EPG5: variants seen among roughly 807,000 people sequenced by gnomAD.
EPG5 encodes the protein ectopic P granules protein 5 homolog.
A neutral mutation model predicts 302.7 loss-of-function variants in EPG5; 159 were observed. The observed-to-expected ratio is 0.53, with a 90% CI of 0.46 to 0.60. The LOEUF is 0.60. EPG5 is among the 20% of genes least tolerant of loss of function. The pLI, the probability that EPG5 is intolerant of heterozygous loss-of-function variation, is 0.00. For synonymous variants in EPG5, 1,158 were observed against 1,136.8 expected, an observed-to-expected ratio of 1.02 and a Z score of -0.37; for missense variants, 2,896 against 3,092.4, an observed-to-expected ratio of 0.94 and a Z score of 1.51.
chr18:45,883,629 T>G lies in EPG5; in HGVS notation c.5304+988A>C, dbSNP rs985803947. On this transcript the variant is annotated intron_variant, in intron 30 of 43. Coordinates refer to ENST00000282041, the MANE Select transcript of EPG5 (RefSeq NM_020964.3). ...CTAGCCTGGTGTTTTTTTTTTTTTT[T>G]TTTTTTTTTTTTGTACAGACAGGGT... Among the ~76,000 whole-genome samples, 107 of 138,348 alleles carry G rather than the reference T, an allele frequency of 7.7e-4. No individual in the cohort carries two copies. The South Asian group carries it at 0.023, about 30-fold the overall frequency. The allele number at this position is 138,348 out of a possible 152,430, so 90.8% of individuals were successfully genotyped here. A position where few individuals can be genotyped will look rare whatever the true frequency, so the allele number is the denominator to read the frequency against.
chr18:45,965,215 C>T (rs1459952859), intron 1 of EPG5, among the ~76,000 whole-genome samples: 1 of 148,774 alleles, frequency 6.7e-6, no homozygotes, highest in Admixed American at 6.6e-5. Context: ...AATCAAATAC[C>T]ACGTTCTCAC....
chr18:45,899,846 A>C (rs1014455927), intron 26 of EPG5, among the ~76,000 whole-genome samples: 1 of 152,178 alleles, frequency 6.6e-6, no homozygotes, highest in Non-Finnish European at 1.5e-5. Context: ...ATACCAACAG[A>C]CCCTACAAGA....
At chr18:45,825,623 C>T in the EPG5 span, 3 of 1,241,862 alleles carry the variant, frequency 2.4e-6, no homozygotes, top group Non-Finnish European at 3.5e-6. Context: ...ATCTGAGTGC[C>T]CTGCCCACCC....
chr18:45,944,169 T>G, intron 7 of EPG5, 50 bp from the exon 8 acceptor site: 1 of 1,167,586 alleles, frequency 8.6e-7, no homozygotes, highest in Non-Finnish European at 1.3e-6. Flanking sequence ...CAGATCACAC[T>G]ATGATCTAGC....
chr18:45,813,383 A>C, the EPG5 span, among the ~76,000 whole-genome samples: 13 of 152,236 alleles, frequency 8.5e-5, no homozygotes, highest in Non-Finnish European at 7.3e-5. Flanking sequence ...CTAGAGCTAG[A>C]AACACCATTT....
At chr18:45,841,697 T>C in the EPG5 span, among the ~76,000 whole-genome samples, 23 of 152,118 alleles carry the variant, frequency 1.5e-4, no homozygotes, top group Admixed American at 1.4e-3. Context: ...CTTCCTGAGA[T>C]AAAGACAAGA....
chr18:45,839,036 G>A, the EPG5 span: 2 of 1,558,916 alleles, frequency 1.3e-6, no homozygotes, highest in South Asian at 1.2e-5. Context: ...GGCGCTCTCG[G>A]CTTCAAGGCG....
intron 1 of EPG5, among the ~76,000 whole-genome samples, chr18:45,965,840 GGTCAGGA>G (rs1342213443): frequency 6.6e-6 from 1 of 151,280 alleles, no homozygotes; most frequent in Non-Finnish European, 1.5e-5. Context: ...GATCACCTGA[GGTCAGGA>G]GTTTGAGGCC....
chr18:45,965,794 C>T (rs2051235133), intron 1 of EPG5, among the ~76,000 whole-genome samples: 1 of 152,188 alleles, frequency 6.6e-6, no homozygotes. Context: ...TGGCTCACGC[C>T]TGTAATCCGG....
the EPG5 span, among the ~76,000 whole-genome samples, chr18:45,808,969 C>T: frequency 0.18 from 26,953 of 152,070 alleles, 3,275 homozygotes; most frequent in East Asian, 0.39. Context: ...AATTCACCAA[C>T]CACTATCTGC....
intron 18 of EPG5, 107 bp downstream of exon 18, chr18:45,916,331 C>T: frequency 6.5e-7 from 1 of 1,536,032 alleles, no homozygotes; most frequent in Non-Finnish European, 8.8e-7. Flanking sequence ...GCCAAAAGCA[C>T]ACTAAGCCAA....
chr18:45,839,869 T>C, the EPG5 span, among the ~76,000 whole-genome samples: 1 of 152,130 alleles, frequency 6.6e-6, no homozygotes, highest in African/African-American at 2.4e-5. Context: ...TCCATAGCAC[T>C]AGGCTCACAC....
intron 13 of EPG5, among the ~76,000 whole-genome samples, chr18:45,927,035 CT>C (rs372779886): frequency 1.6e-3 from 216 of 137,982 alleles, no homozygotes; most frequent in Middle Eastern, 3.8e-3. Flanking sequence ...TTTTTCTTTT[CT>C]TTTTTTTTTT....
chr18:45,925,750 T>A lies in EPG5; in HGVS notation c.2706A>T (p.Gly902=). Residue 902 remains glycine, a synonymous_variant, in exon 14 of 44, where the codon GGA becomes GGT. Coordinates refer to ENST00000282041, the MANE Select transcript of EPG5 (RefSeq NM_020964.3). The part of the protein sequence containing the change: ...ACVILEGLNW[G]FAKQATLHLD... ...TTTGAACACATACCTGTTTAGCAAA[T>A]CCCCAATTCAGTCCTTCAAGAATAA... 6.5e-7 allele frequency: 1 copy of A among 1,544,294 alleles called. No homozygotes were observed. The highest frequency in any genetic ancestry group is 8.7e-7 in the Non-Finnish European group (1 of 1,151,342).
At chr18:45,819,631 T>C in the EPG5 span, among the ~76,000 whole-genome samples, 1 of 152,188 alleles carries the variant, frequency 6.6e-6, no homozygotes, top group Non-Finnish European at 1.5e-5. Flanking sequence ...CTTGCCCAGG[T>C]CCTCAGAGGA....
At chr18:45,881,945 T>C (rs2049107667) in intron 31 of EPG5, among the ~76,000 whole-genome samples, 1 of 152,236 alleles carries the variant, frequency 6.6e-6, no homozygotes, top group Non-Finnish European at 1.5e-5. Context: ...ATCTGTCGTC[T>C]GCAGAGTAAG....
rs753341470 is a variant in EPG5 at position 45,870,735 on chromosome 18, C to T, written c.6057G>A (p.Leu2019=). The change falls in exon 36 of 44, where the codon CTG becomes CTA. Residue 2019 remains leucine (L), a synonymous_variant. Coordinates refer to ENST00000282041, the MANE Select transcript of EPG5 (RefSeq NM_020964.3). The part of the protein sequence containing the change: ...DSLHESFKDK[L]LPGDAGALWL... The stretch of plus-strand genomic sequence containing the variant: ...AAAGGGCTCCTGCATCACCTGGCAA[C>T]AGCTTATCTAGAATGTGAAAAGAAA... 1.2e-5 allele frequency: 19 copies of T among 1,592,040 alleles called. No homozygotes were observed. Among genetic ancestry groups the T allele is most frequent in the East Asian group, 9.0e-5 (4 of 44,400 alleles).
At chr18:45,857,365 C>T (rs2048537479) in intron 42 of EPG5, among the ~76,000 whole-genome samples, 1 of 152,126 alleles carries the variant, frequency 6.6e-6, no homozygotes, top group Admixed American at 6.5e-5. Flanking sequence ...CCTGCCTTGG[C>T]CTCCCAAAGT....
Position 45,922,493 on chromosome 18 carries a change from A to G in EPG5, c.2946T>C (p.Tyr982=), listed in dbSNP as rs1327480254. The G allele has an allele frequency of 1.2e-6, 2 of 1,614,128 alleles. No individual in the cohort carries two copies. The highest frequency in any genetic ancestry group is 1.3e-5 in the African/African-American group (1 of 74,950). ...ILRLKLHKND[Y]GIQPNCPAVP... is the part of the protein sequence containing the mutation. ...CAGCTGGACAATTCGGCTGTATTCC[A>G]TAATCGTTTTTGTGCAGTTTTAGCC... Residue 982 remains tyrosine, a synonymous_variant, in exon 16 of 44, where the codon TAT becomes TAC. Transcript: ENST00000282041.
Sources: allele counts gnomAD v4.1 joint callset (sites outside exome capture counted in the v4.1 genomes callset), GRCh38; gene constraint gnomAD v4.1.1; transcripts MANE v1.5; gene names NCBI Gene and HGNC (gene_info 2026-07-23, HGNC 2026-07-21).